TEX11: variants seen among roughly 807,000 people sequenced by gnomAD.
TEX11 encodes testis expressed 11, also known as testis-expressed protein 11.
A neutral mutation model predicts 84.4 loss-of-function variants in TEX11; 7 were observed. That is an observed-to-expected ratio of 0.08 (90% CI 0.05 to 0.16). The LOEUF is 0.16. Among genes scored for constraint, TEX11 ranks in the 10% least tolerant of loss-of-function variants. The pLI, the probability that TEX11 is intolerant of heterozygous loss-of-function variation, is 1.00. For missense variants in TEX11, 551 were observed against 660.5 expected (o/e 0.83, Z 1.82); for synonymous variants, 264 against 222.8 (o/e 1.18, Z -1.64).
intron 9 of TEX11, among the ~76,000 whole-genome samples, chrX:70,751,723 C>G (rs2090827383): frequency 9.0e-6 from 1 of 111,211 alleles, no homozygotes; most frequent in African/African-American, 3.3e-5. Flanking sequence ...AAATACATTC[C>G]CAGGTAAGCA....
intron 9 of TEX11, among the ~76,000 whole-genome samples, chrX:70,770,533 A>G (rs970478432): frequency 6.3e-5 from 7 of 111,253 alleles, no homozygotes; most frequent in Non-Finnish European, 1.1e-4. Context: ...ATATGTAACT[A>G]ACCTGCACAA....
At chrX:70,859,794 T>A (rs2091559462) in intron 5 of TEX11, among the ~76,000 whole-genome samples, 1 of 110,562 alleles carries the variant, frequency 9.0e-6, no homozygotes, top group Non-Finnish European at 1.9e-5. Flanking sequence ...GGTGAGCAGA[T>A]CACCTGAGAT....
At chrX:70,892,676 T>C (rs1416565838) in intron 2 of TEX11, among the ~76,000 whole-genome samples, 2 of 107,756 alleles carry the variant, frequency 1.9e-5, no homozygotes, top group Admixed American at 1.0e-4. Flanking sequence ...GAGGTTGCAG[T>C]GAGATGAGAT....
intron 5 of TEX11, among the ~76,000 whole-genome samples, chrX:70,859,100 T>G (rs760128028): frequency 3.6e-5 from 4 of 110,543 alleles, no homozygotes; most frequent in African/African-American, 1.3e-4. Context: ...TGAGGAGATA[T>G]AGAAGAAACA....
chrX:70,562,419 TGTAAA>T (rs2088387528), intron 25 of TEX11, among the ~76,000 whole-genome samples: 1 of 112,274 alleles, frequency 8.9e-6, no homozygotes, highest in African/African-American at 3.2e-5. Context: ...TGACTAAATA[TGTAAA>T]GTATTTTCAT....
intron 17 of TEX11, among the ~76,000 whole-genome samples, chrX:70,632,483 C>T (rs769649373): frequency 9.0e-6 from 1 of 111,204 alleles, no homozygotes; most frequent in Non-Finnish European, 1.9e-5. Flanking sequence ...GTGGCATGCA[C>T]CTGTGGTCCC....
intron 20 of TEX11, among the ~76,000 whole-genome samples, chrX:70,613,353 C>G (rs1218257709): frequency 4.5e-5 from 5 of 111,827 alleles, no homozygotes; most frequent in African/African-American, 1.6e-4. Flanking sequence ...CCCCCAGCAG[C>G]TGCCTGGTGC....
intron 9 of TEX11, among the ~76,000 whole-genome samples, chrX:70,773,025 A>G (rs1444434422): frequency 2.7e-5 from 3 of 110,584 alleles, no homozygotes; most frequent in Non-Finnish European, 5.7e-5. Context: ...AAGCAACAAC[A>G]ACAACAAAAA....
At chrX:70,839,269 C>T (rs1444537334) in intron 7 of TEX11, among the ~76,000 whole-genome samples, 1 of 111,559 alleles carries the variant, frequency 9.0e-6, no homozygotes, top group African/African-American at 3.3e-5. Context: ...CCTCACACGG[C>T]CGGGTACCCC....
At chrX:70,786,498 A>G (rs2091080198) in intron 9 of TEX11, among the ~76,000 whole-genome samples, 1 of 111,678 alleles carries the variant, frequency 9.0e-6, no homozygotes, top group African/African-American at 3.3e-5. Flanking sequence ...AATAAATAAT[A>G]GAATGAATGG....
At chrX:70,893,624 G>A (rs1398804792) in intron 2 of TEX11, among the ~76,000 whole-genome samples, 1 of 111,698 alleles carries the variant, frequency 9.0e-6, no homozygotes, top group African/African-American at 3.3e-5. Flanking sequence ...CGGAAAGCTG[G>A]ATAGATCTGA....
At chrX:70,839,240 C>CA (rs2091426090) in intron 7 of TEX11, among the ~76,000 whole-genome samples, 1 of 111,664 alleles carries the variant, frequency 9.0e-6, no homozygotes, top group African/African-American at 3.3e-5. Context: ...GAGGCACCCC[C>CA]AGGAGGGGCG....
At chrX:70,873,883 T>C (rs751820721) in intron 3 of TEX11, among the ~76,000 whole-genome samples, 26 of 111,862 alleles carry the variant, frequency 2.3e-4, no homozygotes, top group African/African-American at 8.4e-4. Flanking sequence ...TTATTTAACA[T>C]GTGATATAGT....
intron 9 of TEX11, among the ~76,000 whole-genome samples, chrX:70,786,651 T>C (rs918598395): frequency 1.8e-5 from 2 of 111,286 alleles, no homozygotes; most frequent in Non-Finnish European, 3.8e-5. Context: ...TTGATGAACA[T>C]AGATGCAAAT....
chrX:70,808,866 A>T lies in TEX11; in HGVS notation c.607-2076T>A, dbSNP rs1478535628. 2.7e-5 allele frequency among the ~76,000 whole-genome samples: 3 copies of T among 111,931 alleles called. No homozygotes were observed. The Admixed American group carries it at 2.9e-4, about 11-fold the overall frequency. ...AAATTTTATATCCAGTGAAAGCATAAATTATGATGGTACAATAAAAATATG... is the reference window on the plus strand; with the variant it reads ...AAATTTTATATCCAGTGAAAGCATATATTATGATGGTACAATAAAAATATG... On this transcript the variant is annotated intron_variant, in intron 8 of 29. Coordinates refer to ENST00000374333, the MANE Select transcript of TEX11 (RefSeq NM_031276.3).
intron 9 of TEX11, among the ~76,000 whole-genome samples, chrX:70,763,332 G>A (rs1246572087): frequency 9.0e-6 from 1 of 111,418 alleles, no homozygotes; most frequent in Non-Finnish European, 1.9e-5. Context: ...TCTAAGTGAA[G>A]TGACTCAGGA....
At chrX:70,545,022 T>C (rs1034829887) in intron 28 of TEX11, among the ~76,000 whole-genome samples, 3 of 109,765 alleles carry the variant, frequency 2.7e-5, no homozygotes, top group Non-Finnish European at 5.7e-5. Flanking sequence ...CTGGCCAATG[T>C]GGTGAAACCT....
chrX:70,827,456 G>A (rs773152362), intron 8 of TEX11, among the ~76,000 whole-genome samples: 40 of 111,625 alleles, frequency 3.6e-4, no homozygotes, highest in Middle Eastern at 4.6e-3. Context: ...CCAAATCCAG[G>A]TGTAGCCTCT....
chrX:70,689,887 C>A (rs1455389317), intron 13 of TEX11, among the ~76,000 whole-genome samples: 2 of 111,567 alleles, frequency 1.8e-5, no homozygotes, highest in African/African-American at 6.5e-5. Context: ...ACTCAGCCAA[C>A]TAATCAAGGC....
Sources: gnomAD v4.1 joint callset for allele counts (sites outside exome capture counted in the v4.1 genomes callset) on GRCh38, gnomAD v4.1.1 for gene constraint, MANE v1.5 for transcripts, NCBI Gene and HGNC (gene_info 2026-07-23, HGNC 2026-07-21) for gene names.